The following MAN2A1 variants were observed in gnomAD, a reference collection of about 807,000 sequenced individuals.
The protein encoded by MAN2A1 is mannosidase alpha class 2A member 1, also known as alpha-mannosidase 2.
MAN2A1 carries 76 observed loss-of-function variants against 142.6 expected under a neutral mutation model. The observed-to-expected ratio is 0.53, with a 90% CI of 0.44 to 0.65. The LOEUF (loss-of-function observed/expected upper bound fraction) is 0.65, where lower values mean the gene tolerates loss of function less well. Among genes scored for constraint, MAN2A1 ranks in the 30% least tolerant of loss-of-function variants. The pLI is 0.00. For missense variants in MAN2A1, 1,311 were observed against 1,365.1 expected, an observed-to-expected ratio of 0.96 and a Z score of 0.62; for synonymous variants, 559 against 473.2, an observed-to-expected ratio of 1.18 and a Z score of -2.35.
At chr5:109,794,634 T>C (rs925389883) in intron 12 of MAN2A1, among the ~76,000 whole-genome samples, 7 of 152,128 alleles carry the variant, frequency 4.6e-5, no homozygotes, top group African/African-American at 1.7e-4. Flanking sequence ...ACTTTTCTTT[T>C]GGTGAGGGAA....
rs996648977 is a variant in MAN2A1, at chr5:109,776,980, A to G, written c.1374+2015A>G. ...GTATTCATTTTTTGATGAATATACC[A>G]CAGTTTATTCATTGTATTGTTATTG... On this transcript the variant is annotated intron_variant, in intron 8 of 21. Transcript: ENST00000261483. Among the ~76,000 whole-genome samples, 3 of 152,044 alleles carry G rather than the reference A, an allele frequency of 2.0e-5. No individual in the cohort carries two copies. In the East Asian group the frequency reaches 5.8e-4, roughly 29 times the overall value.
chr5:109,819,621 A>C, intron 13 of MAN2A1, 48 bp from the exon 14 acceptor site: 1 of 1,130,916 alleles, frequency 8.8e-7, no homozygotes, highest in Non-Finnish European at 1.2e-6. Context: ...TTTGCCTCTC[A>C]GTAGATAACA....
intron 16 of MAN2A1, among the ~76,000 whole-genome samples, chr5:109,838,712 A>G (rs1378030889): frequency 6.6e-6 from 1 of 152,220 alleles, no homozygotes; most frequent in African/African-American, 2.4e-5. Flanking sequence ...CTTGTTCATA[A>G]TAAGCATATT....
At chr5:109,711,267 T>A (rs982633829) in intron 1 of MAN2A1, among the ~76,000 whole-genome samples, 2 of 152,244 alleles carry the variant, frequency 1.3e-5, no homozygotes, top group Non-Finnish European at 2.9e-5. Context: ...TAACTTGATT[T>A]ACCATTACCT....
chr5:109,756,909 G>GT (rs1280998180), intron 5 of MAN2A1, among the ~76,000 whole-genome samples: 1 of 152,138 alleles, frequency 6.6e-6, no homozygotes, highest in Non-Finnish European at 1.5e-5. Flanking sequence ...TGAACAGAGG[G>GT]TGCCTACATG....
Position 109,867,100 on chromosome 5 carries a change from G to A in MAN2A1, c.*102G>A. On this transcript the variant is annotated 3_prime_UTR_variant, in exon 22 of 22. Coordinates refer to ENST00000261483, the MANE Select transcript of MAN2A1 (RefSeq NM_002372.4). Reference sequence around the variant, plus strand: ...TTATTTTAGCTTCTGGCTACTGTGAGAACATGAATTCTGTGATTCTGTGGG... The same window carrying A: ...TTATTTTAGCTTCTGGCTACTGTGAAAACATGAATTCTGTGATTCTGTGGG... The A allele has an allele frequency of 1.5e-6, 1 of 656,078 alleles. No individual in the cohort carries two copies. Among genetic ancestry groups the A allele is most frequent in the Non-Finnish European group, 2.2e-6 (1 of 456,538 alleles). The allele number at this position is 656,078 out of a possible 1,614,324, so 40.6% of individuals were successfully genotyped here.
At chr5:109,760,155 G>A (rs906339395) in intron 5 of MAN2A1, among the ~76,000 whole-genome samples, 3 of 151,764 alleles carry the variant, frequency 2.0e-5, no homozygotes, top group South Asian at 2.1e-4. Flanking sequence ...AGCCCCTGAC[G>A]CCCCTGTGTG....
At chr5:109,736,610 A>G (rs1752106846) in intron 4 of MAN2A1, among the ~76,000 whole-genome samples, 1 of 151,938 alleles carries the variant, frequency 6.6e-6, no homozygotes. Context: ...TTTTATAGTT[A>G]CTCAGATTGT....
intron 7 of MAN2A1, among the ~76,000 whole-genome samples, chr5:109,773,171 A>G (rs1753193861): frequency 6.6e-6 from 1 of 152,172 alleles, no homozygotes; most frequent in African/African-American, 2.4e-5. Context: ...TTACCATTGG[A>G]CCATATATTT....
At position 109,819,891 on chromosome 5, in the gene MAN2A1, T is replaced by A. The variant is rs1041083107; in HGVS notation, c.2328+4T>A. Reference sequence around the variant, plus strand: ...TGATCAAACTGGACTTATGAAGGTATGTTCTGAATAGTTCTAAAATTCATA... The same window carrying A: ...TGATCAAACTGGACTTATGAAGGTAAGTTCTGAATAGTTCTAAAATTCATA... On this transcript the variant is annotated splice_donor_region_variant and intron_variant, in intron 14 of 21. Transcript: ENST00000261483. 1.9e-6 allele frequency: 3 copies of A among 1,542,580 alleles called. No homozygotes were observed. In the African/African-American group the frequency reaches 4.2e-5, roughly 21 times the overall value.
rs566685877 is a variant in MAN2A1, at chr5:109,734,079, G to C, written c.707+4566G>C. On this transcript the variant is annotated intron_variant, in intron 4 of 21. Coordinates refer to ENST00000261483, the MANE Select transcript of MAN2A1 (RefSeq NM_002372.4). The stretch of plus-strand genomic sequence containing the variant: ...TATTCAGAGATTCAACTTTTTCCTG[G>C]TTTAGTCTTGGGAGGGTGTATGTGT... 9.1e-4 allele frequency among the ~76,000 whole-genome samples: 139 copies of C among 152,092 alleles called. 1 individual carries two copies. Among genetic ancestry groups the C allele is most frequent in the Non-Finnish European group, 5.6e-4 (38 of 67,998 alleles).
At chr5:109,713,867 C>A in intron 2 of MAN2A1, 93 bp downstream of exon 2, 1 of 1,204,466 alleles carries the variant, frequency 8.3e-7, no homozygotes, top group Non-Finnish European at 1.2e-6. Context: ...TGGTAAGTTG[C>A]TTAAACTCTT....
rs557900036 is a variant in MAN2A1 at position 109,797,966 on chromosome 5, A to G, written c.1943+8439A>G. ...CACTTATACCACAGGCACACTTCCCATATTTTTAAAAAGAAATTTTAAAAA... is the reference window on the plus strand; with the variant it reads ...CACTTATACCACAGGCACACTTCCCGTATTTTTAAAAAGAAATTTTAAAAA... On this transcript the variant is annotated intron_variant, in intron 12 of 21. Coordinates refer to ENST00000261483, the MANE Select transcript of MAN2A1 (RefSeq NM_002372.4). Among the ~76,000 whole-genome samples, 59 of 152,304 alleles carry G rather than the reference A, an allele frequency of 3.9e-4. 1 individual carries two copies. The highest frequency in any genetic ancestry group is 1.2e-3 in the African/African-American group (50 of 41,570).
chr5:109,796,865 A>G lies in MAN2A1; in HGVS notation c.1943+7338A>G, dbSNP rs534086908. 3.3e-5 allele frequency among the ~76,000 whole-genome samples: 5 copies of G among 152,284 alleles called. No homozygotes were observed. In the South Asian group the frequency reaches 1.0e-3, roughly 32 times the overall value. On this transcript the variant is annotated intron_variant, in intron 12 of 21. Transcript: ENST00000261483. ...CTGAATCCTCTTTACATCCTTCATG[A>G]CATTATTAACAAACTGGCCATGTCA...
At chr5:109,860,271 T>G (rs922092200) in intron 20 of MAN2A1, among the ~76,000 whole-genome samples, 17 of 152,202 alleles carry the variant, frequency 1.1e-4, no homozygotes, top group Non-Finnish European at 1.9e-4. Flanking sequence ...CATTTTATCT[T>G]GTTGATCAAA....
At chr5:109,752,735 A>G (rs1172995917) in intron 4 of MAN2A1, among the ~76,000 whole-genome samples, 6 of 152,184 alleles carry the variant, frequency 3.9e-5, no homozygotes, top group African/African-American at 7.2e-5. Flanking sequence ...AAACATTTTA[A>G]TAAGTGGGAA....
chr5:109,716,364 G>T, intron 3 of MAN2A1, 100 bp downstream of exon 3: 1 of 891,430 alleles, frequency 1.1e-6, no homozygotes, highest in South Asian at 2.0e-5. Flanking sequence ...AAATTTTTGA[G>T]ACATTATTCT....
At chr5:109,772,699 G>A (rs570126547) in intron 7 of MAN2A1, among the ~76,000 whole-genome samples, 2 of 152,150 alleles carry the variant, frequency 1.3e-5, no homozygotes, top group East Asian at 1.9e-4. Flanking sequence ...TTGTAGTGAC[G>A]AGGTCTCCCT....
intron 1 of MAN2A1, among the ~76,000 whole-genome samples, chr5:109,708,379 G>T (rs1029226284): frequency 2.6e-5 from 4 of 152,084 alleles, no homozygotes; most frequent in East Asian, 1.9e-4. Flanking sequence ...ATGGGAGTTT[G>T]TAAGGAAGGG....
Sources: gnomAD v4.1 joint callset for allele counts (sites outside exome capture counted in the v4.1 genomes callset) on GRCh38, gnomAD v4.1.1 for gene constraint, MANE v1.5 for transcripts, NCBI Gene and HGNC (gene_info 2026-07-23, HGNC 2026-07-21) for gene names.